SPATA13: variants seen among roughly 807,000 people sequenced by gnomAD.
The protein encoded by SPATA13 is spermatogenesis-associated protein 13.
SPATA13 carries 50 observed loss-of-function variants against 104.0 expected under a neutral mutation model. The ratio of observed to expected loss-of-function variants is 0.48; its 90% CI spans 0.38 to 0.61. The LOEUF is 0.61. Ranked by LOEUF, SPATA13 falls within the 20% of genes least tolerant of loss-of-function variation. The pLI is 0.00. For missense variants in SPATA13, 1,524 were observed against 1,690.6 expected (o/e 0.90, Z 1.73); for synonymous variants, 606 against 667.5 (o/e 0.91, Z 1.42).
chr13:24,024,490 A>G (rs541267107), intron 3 of SPATA13, among the ~76,000 whole-genome samples: 3 of 152,222 alleles, frequency 2.0e-5, no homozygotes, highest in South Asian at 2.1e-4. Flanking sequence ...GCAAGAAGAA[A>G]GGAGAGTGCT....
At chr13:24,302,513 G>A (rs530550018) in intron 12 of SPATA13, 85 bp from the exon 13 acceptor site, 1 of 690,326 alleles carries the variant, frequency 1.4e-6, no homozygotes, top group Non-Finnish European at 2.3e-6. Flanking sequence ...ACTTGGACTT[G>A]GAGTCTCAGC....
intron 4 of SPATA13, among the ~76,000 whole-genome samples, chr13:24,258,952 T>C (rs1873923235): frequency 6.6e-6 from 1 of 151,986 alleles, no homozygotes; most frequent in Non-Finnish European, 1.5e-5. Flanking sequence ...AAGGAGAGCA[T>C]ATCCTAGCTA....
intron 2 of SPATA13, among the ~76,000 whole-genome samples, chr13:24,248,213 G>C (rs1038690016): frequency 6.6e-6 from 1 of 152,304 alleles, no homozygotes; most frequent in Non-Finnish European, 1.5e-5. Context: ...CTGATCCCTG[G>C]GAATGGTTAC....
intron 3 of SPATA13, among the ~76,000 whole-genome samples, chr13:24,071,197 G>C (rs908448341): frequency 1.3e-5 from 2 of 152,144 alleles, no homozygotes; most frequent in African/African-American, 2.4e-5. Context: ...AGAGGAGACA[G>C]CTGCATCTCA....
chr13:24,189,064 T>G (rs1201850167), intron 1 of SPATA13, among the ~76,000 whole-genome samples: 5 of 152,162 alleles, frequency 3.3e-5, no homozygotes, highest in Non-Finnish European at 5.9e-5. Context: ...ACCCAAGAGC[T>G]CTAATGGAGA....
chr13:24,062,677 A>T (rs933291686), intron 3 of SPATA13, among the ~76,000 whole-genome samples: 1 of 151,996 alleles, frequency 6.6e-6, no homozygotes, highest in African/African-American at 2.4e-5. Flanking sequence ...TATCCTCATG[A>T]CTGCACCTGA....
chr13:24,288,859 C>T (rs959168094), intron 7 of SPATA13, 140 bp from the exon 8 acceptor site: 25 of 640,042 alleles, frequency 3.9e-5, no homozygotes, highest in Middle Eastern at 6.7e-4. Context: ...CATGGAAGTA[C>T]GATGACCTCA....
intron 3 of SPATA13, among the ~76,000 whole-genome samples, chr13:24,152,804 T>C (rs1221333578): frequency 6.6e-6 from 1 of 152,234 alleles, no homozygotes; most frequent in African/African-American, 2.4e-5. Context: ...GTCCTTATCA[T>C]GGAGGAATTG....
rs748791523 is a variant in SPATA13 at position 24,290,819 on chromosome 13, G to A, written c.3015G>A (p.Val1005=). 2 of 1,614,072 alleles carry A rather than the reference G, an allele frequency of 1.2e-6. No individual in the cohort carries two copies. Among genetic ancestry groups the A allele is most frequent in the Non-Finnish European group, 1.7e-6 (2 of 1,180,052 alleles). The stretch of plus-strand genomic sequence containing the variant: ...TCGACGGGTTCCTGCTCACACCAGT[G>A]CAGAAGATCTGCAAATACCCGCTGC... The part of the protein sequence containing the change: ...IAIDGFLLTP[V]QKICKYPLQL... The change falls in exon 9 of 13, where the codon GTG becomes GTA. Residue 1005 remains valine, a synonymous_variant. Coordinates refer to ENST00000382108, the MANE Select transcript of SPATA13 (RefSeq NM_001166271.3).
At chr13:24,003,193 A>T (rs779325738) in intron 2 of SPATA13, among the ~76,000 whole-genome samples, 15 of 152,088 alleles carry the variant, frequency 9.9e-5, no homozygotes, top group Non-Finnish European at 1.5e-4. Flanking sequence ...GTGTGTATGG[A>T]TGCTTAGATG....
intron 3 of SPATA13, among the ~76,000 whole-genome samples, chr13:24,141,235 G>C (rs1923902): frequency 0.56 from 84,415 of 150,888 alleles, 24,108 homozygotes; most frequent in East Asian, 0.83. Context: ...AATTCCAACA[G>C]TTTAGGAGGT....
rs1871797782 is a variant in SPATA13 at position 24,224,291 on chromosome 13, A to T, written c.1362A>T (p.Thr454=). The change falls in exon 2 of 13, where the codon ACA becomes ACT. Residue 454 remains threonine (T), a synonymous_variant. Transcript: ENST00000382108. ...ACCCAAACGCTGGCAGCCAGTTGAC[A>T]TTTGACCCTGAGCAGCCTCCCACCC... ...SCDPNAGSQL[T]FDPEQPPTPL... is the part of the protein sequence containing the mutation. The T allele has an allele frequency of 1.3e-6, 2 of 1,551,660 alleles. No homozygotes were observed. The highest frequency in any genetic ancestry group is 1.7e-6 in the Non-Finnish European group (2 of 1,146,994).
At chr13:24,045,021 C>T (rs1030365469) in intron 3 of SPATA13, among the ~76,000 whole-genome samples, 4 of 152,130 alleles carry the variant, frequency 2.6e-5, no homozygotes, top group Non-Finnish European at 5.9e-5. Context: ...TTTCGTGTTT[C>T]CCTTGAACTC....
intron 3 of SPATA13, among the ~76,000 whole-genome samples, chr13:24,024,312 G>A (rs1046775578): frequency 3.4e-5 from 5 of 148,536 alleles, no homozygotes; most frequent in African/African-American, 1.2e-4. Flanking sequence ...CCAGACCATG[G>A]TGGGTGCTTA....
intron 1 of SPATA13, among the ~76,000 whole-genome samples, chr13:24,202,392 A>C (rs1870461082): frequency 6.6e-6 from 1 of 152,068 alleles, no homozygotes; most frequent in Non-Finnish European, 1.5e-5. Context: ...CACAGTCGTA[A>C]AGGACAGTTG....
intron 3 of SPATA13, among the ~76,000 whole-genome samples, chr13:24,145,063 A>C (rs183658829): frequency 6.6e-5 from 10 of 152,178 alleles, no homozygotes; most frequent in Non-Finnish European, 5.9e-5. Context: ...GAGCTGGTAC[A>C]CTATTTCTGA....
At chr13:24,187,974 A>G (rs1481547858) in intron 1 of SPATA13, among the ~76,000 whole-genome samples, 1 of 152,218 alleles carries the variant, frequency 6.6e-6, no homozygotes, top group Admixed American at 6.5e-5. Flanking sequence ...AGATAGGCTC[A>G]AAGCTTGGCC....
chr13:24,122,013 G>T, intron 3 of SPATA13: 1 of 1,258,946 alleles, frequency 7.9e-7, no homozygotes, highest in Non-Finnish European at 1.2e-6. Flanking sequence ...CCACTGCTAG[G>T]ACGAACACAA....
chr13:23,993,970 G>GTT (rs34371369), intron 2 of SPATA13, among the ~76,000 whole-genome samples: 4 of 134,562 alleles, frequency 3.0e-5, no homozygotes, highest in Admixed American at 1.5e-4. Context: ...TGGTGGTGGT[G>GTT]TTTTTTTTTT....
Sources: allele counts gnomAD v4.1 joint callset (sites outside exome capture counted in the v4.1 genomes callset), GRCh38; gene constraint gnomAD v4.1.1; transcripts MANE v1.5; gene names NCBI Gene and HGNC (gene_info 2026-07-23, HGNC 2026-07-21).